Variants in GBE1 observed in about 807,000 individuals in gnomAD.
GBE1 encodes the protein 1,4-alpha-glucan branching enzyme 1.
GBE1 carries 70 observed loss-of-function variants against 88.8 expected under a neutral mutation model. The ratio of observed to expected loss-of-function variants is 0.79; its 90% confidence interval spans 0.65 to 0.96. The LOEUF (loss-of-function observed/expected upper bound fraction) is 0.96. Ranked by LOEUF, GBE1 falls within the 40% of genes least tolerant of loss-of-function variation. The probability of loss-of-function intolerance (pLI) is 0.00; values close to 1 mark genes in which losing one functional copy is unlikely to be tolerated. For missense variants in GBE1, 872 were observed against 871.0 expected, an observed-to-expected ratio of 1.00 and a Z score of -0.01; for synonymous variants, 284 against 300.1, an observed-to-expected ratio of 0.95 and a Z score of 0.56.
At chr3:81,538,772 T>C (rs546857325) in intron 12 of GBE1, among the ~76,000 whole-genome samples, 4 of 152,122 alleles carry the variant, frequency 2.6e-5, no homozygotes, top group African/African-American at 9.6e-5. Context: ...ACTAGCGGGA[T>C]TTTAACTAGT....
At position 81,537,018 on chromosome 3, in the gene GBE1, G is replaced by A; in HGVS notation, c.1696C>T (p.Gln566Ter). 6.3e-7 allele frequency: 1 copy of A among 1,587,886 alleles called. No homozygotes were observed. Among genetic ancestry groups the A allele is most frequent in the Non-Finnish European group, 8.6e-7 (1 of 1,168,644 alleles). ...AGGTCGTCGTCAGTTAAATGAAACT[G>A]CCGCCTGGCATAATGGTAACTCTCA... ...NNESYHYARR[Q>*]FHLTDDDLLR... Residue 566 changes from glutamine to a stop codon, truncating the protein, a stop_gained, in exon 13 of 16, where the codon CAG (glutamine) becomes TAG (stop). Transcript: ENST00000429644. LOFTEE classifies it high-confidence loss of function.
intron 1 of GBE1, among the ~76,000 whole-genome samples, chr3:81,740,329 T>C (rs1440372762): frequency 6.6e-6 from 1 of 152,156 alleles, no homozygotes; most frequent in East Asian, 1.9e-4. Flanking sequence ...CTGAATTTTG[T>C]CTTAGCACCA....
At chr3:81,496,074 C>A (rs1702497269) in intron 15 of GBE1, among the ~76,000 whole-genome samples, 1 of 152,164 alleles carries the variant, frequency 6.6e-6, no homozygotes, top group African/African-American at 2.4e-5. Flanking sequence ...AAGTCCCCTG[C>A]CTCCAGTGCA....
chr3:81,687,138 A>C (rs1705453687), intron 2 of GBE1, among the ~76,000 whole-genome samples: 1 of 152,170 alleles, frequency 6.6e-6, no homozygotes, highest in African/African-American at 2.4e-5. Flanking sequence ...TGCTATGCAC[A>C]CACAGGTTTT....
At chr3:81,544,779 A>C (rs1433466343) in intron 12 of GBE1, among the ~76,000 whole-genome samples, 1 of 150,820 alleles carries the variant, frequency 6.6e-6, no homozygotes, top group Non-Finnish European at 1.5e-5. Flanking sequence ...TGTTTGATGT[A>C]AAGGTCCAAA....
chr3:81,573,505 T>C (rs939340639), intron 12 of GBE1, among the ~76,000 whole-genome samples: 3 of 152,198 alleles, frequency 2.0e-5, no homozygotes, highest in Admixed American at 6.5e-5. Flanking sequence ...ATAAAGGTAT[T>C]TGTCTATCAC....
At chr3:81,660,953 C>T (rs925562805) in intron 3 of GBE1, among the ~76,000 whole-genome samples, 35 of 152,104 alleles carry the variant, frequency 2.3e-4, no homozygotes, top group African/African-American at 8.2e-4. Flanking sequence ...AGTGCAAATA[C>T]TTTTATTAAA....
At chr3:81,497,559 C>A (rs1702516893) in intron 15 of GBE1, among the ~76,000 whole-genome samples, 1 of 152,126 alleles carries the variant, frequency 6.6e-6, no homozygotes. Flanking sequence ...AAATGGCAGA[C>A]AAGGGTCAGG....
intron 7 of GBE1, chr3:81,612,682 C>A: frequency 1.9e-6 from 1 of 534,150 alleles, no homozygotes; most frequent in South Asian, 1.5e-5. Flanking sequence ...AAGTCTATTT[C>A]ATTTTGTACT....
At chr3:81,558,852 A>C (rs1703383370) in intron 12 of GBE1, among the ~76,000 whole-genome samples, 1 of 152,054 alleles carries the variant, frequency 6.6e-6, no homozygotes, top group Non-Finnish European at 1.5e-5. Context: ...CTTGTCTTTT[A>C]CTCAAAAAAT....
rs959324134 is a variant in GBE1 at position 81,569,117 on chromosome 3, A to C, written c.1618+8808T>G. ...GACACAACTGTTTTATGGAACATTT[A>C]TATTTATATGATAAAAATTTAATTT... is the stretch of plus-strand genomic sequence containing the variant. On this transcript the variant is annotated intron_variant, in intron 12 of 15. Transcript: ENST00000429644. Among the ~76,000 whole-genome samples the C allele has an allele frequency of 2.0e-4, 30 of 152,306 alleles. 1 individual carries two copies. The highest frequency in any genetic ancestry group is 1.8e-3 in the Admixed American group (28 of 15,292).
At chr3:81,578,196 C>A (rs567703481) in intron 11 of GBE1, 100 bp from the exon 12 acceptor site, 1 of 818,684 alleles carries the variant, frequency 1.2e-6, no homozygotes, top group African/African-American at 1.8e-5. Flanking sequence ...TAGGAAACAT[C>A]GTAGAAGAGG....
chr3:81,592,859 A>G (rs778468707), intron 8 of GBE1, among the ~76,000 whole-genome samples: 4 of 152,158 alleles, frequency 2.6e-5, no homozygotes, highest in Non-Finnish European at 5.9e-5. Flanking sequence ...ATGGATATCA[A>G]TAAAATCTGT....
At chr3:81,565,045 A>G (rs1703473251) in intron 12 of GBE1, among the ~76,000 whole-genome samples, 1 of 152,146 alleles carries the variant, frequency 6.6e-6, no homozygotes, top group African/African-American at 2.4e-5. Context: ...TGCTCATGGT[A>G]GGTTCTCATT....
intron 1 of GBE1, among the ~76,000 whole-genome samples, chr3:81,738,100 G>T (rs1402785446): frequency 4.6e-5 from 7 of 151,508 alleles, no homozygotes; most frequent in African/African-American, 1.7e-4. Context: ...TTTTATGGCT[G>T]CATAGTATTC....
At chr3:81,613,482 C>G (rs1478472663) in intron 7 of GBE1, among the ~76,000 whole-genome samples, 1 of 151,690 alleles carries the variant, frequency 6.6e-6, no homozygotes, top group Non-Finnish European at 1.5e-5. Context: ...CACTGTGTCT[C>G]TATGTGAATA....
intron 12 of GBE1, among the ~76,000 whole-genome samples, chr3:81,564,962 C>T (rs889930686): frequency 6.6e-5 from 10 of 152,138 alleles, no homozygotes; most frequent in African/African-American, 2.4e-4. Context: ...TGGGGTCAGG[C>T]TCTTGGGCTT....
At chr3:81,713,663 C>T (rs1367016076) in intron 1 of GBE1, among the ~76,000 whole-genome samples, 1 of 152,158 alleles carries the variant, frequency 6.6e-6, no homozygotes, top group East Asian at 1.9e-4. Context: ...TCATGGTACA[C>T]ATGGTTTCTT....
chr3:81,596,404 A>T (rs532438881), intron 7 of GBE1, among the ~76,000 whole-genome samples: 1 of 151,914 alleles, frequency 6.6e-6, no homozygotes, highest in African/African-American at 2.4e-5. Context: ...ATCATTTAAC[A>T]TTAGGTATAT....
Sources: allele counts gnomAD v4.1 joint callset (sites outside exome capture counted in the v4.1 genomes callset), GRCh38; gene constraint gnomAD v4.1.1; transcripts MANE v1.5; gene names NCBI Gene and HGNC (gene_info 2026-07-23, HGNC 2026-07-21).